FHOD3: variants seen among roughly 807,000 people sequenced by gnomAD.
FHOD3 encodes the protein FH1/FH2 domain-containing protein 3.
A neutral mutation model predicts 173.0 loss-of-function variants in FHOD3; 90 were observed. That is an observed-to-expected ratio of 0.52 (90% confidence interval 0.44 to 0.62). The LOEUF is 0.62. Ranked by LOEUF, FHOD3 falls within the 20% of genes least tolerant of loss-of-function variation. The probability of loss-of-function intolerance (pLI) is 0.00; values close to 1 mark genes in which losing one functional copy is unlikely to be tolerated. For missense variants in FHOD3, 1,945 were observed against 2,034.7 expected, an observed-to-expected ratio of 0.96 and a Z score of 0.85; for synonymous variants, 828 against 823.0, an observed-to-expected ratio of 1.01 and a Z score of -0.10.
intron 3 of FHOD3, among the ~76,000 whole-genome samples, chr18:36,406,084 TTTTTG>T (rs1568229246): frequency 2.4e-4 from 22 of 92,562 alleles, no homozygotes; most frequent in African/African-American, 8.7e-4. Context: ...CTGTTTTTTG[TTTTTG>T]TTTTTGTTTT....
chr18:36,395,513 G>A (rs756152793), intron 3 of FHOD3, among the ~76,000 whole-genome samples: 32 of 152,178 alleles, frequency 2.1e-4, no homozygotes, highest in Non-Finnish European at 4.4e-4. Flanking sequence ...AGTCTTTGAT[G>A]TAAAAAAATG....
At chr18:36,516,231 G>A (rs1228591235) in intron 5 of FHOD3, among the ~76,000 whole-genome samples, 1 of 152,088 alleles carries the variant, frequency 6.6e-6, no homozygotes, top group African/African-American at 2.4e-5. Flanking sequence ...GTCTTCGGTG[G>A]GGACTGGTGA....
chr18:36,442,249 G>A (rs1051391057), intron 3 of FHOD3, among the ~76,000 whole-genome samples: 1 of 152,164 alleles, frequency 6.6e-6, no homozygotes, highest in African/African-American at 2.4e-5. Context: ...CATTCTTTGA[G>A]CTGAAAATAG....
intron 3 of FHOD3, among the ~76,000 whole-genome samples, chr18:36,378,167 G>T (rs897590707): frequency 6.6e-6 from 1 of 152,126 alleles, no homozygotes; most frequent in Non-Finnish European, 1.5e-5. Context: ...TGTTGCAAAG[G>T]CTCCTGAGTG....
intron 1 of FHOD3, among the ~76,000 whole-genome samples, chr18:36,323,903 A>G (rs183892968): frequency 6.6e-6 from 1 of 152,380 alleles, no homozygotes; most frequent in Non-Finnish European, 1.5e-5. Flanking sequence ...ATAGTATGTA[A>G]GAAGACATTT....
At chr18:36,650,878 C>G (rs763022127) in intron 11 of FHOD3, among the ~76,000 whole-genome samples, 3 of 152,132 alleles carry the variant, frequency 2.0e-5, no homozygotes, top group Non-Finnish European at 4.4e-5. Context: ...TATCTTATGC[C>G]TGGAAGAGTC....
intron 10 of FHOD3, 99 bp from the exon 11 acceptor site, chr18:36,649,217 T>G: frequency 5.7e-6 from 4 of 701,160 alleles, no homozygotes; most frequent in Non-Finnish European, 7.0e-6. Context: ...GTTGTTGTTG[T>G]TGTTGTTGTT....
At chr18:36,638,488 T>A (rs1466626524) in intron 10 of FHOD3, among the ~76,000 whole-genome samples, 1 of 152,182 alleles carries the variant, frequency 6.6e-6, no homozygotes, top group Non-Finnish European at 1.5e-5. Context: ...TTTGAAAAGC[T>A]GCCTATCTGC....
chr18:36,421,365 C>A (rs1373369390), intron 3 of FHOD3, among the ~76,000 whole-genome samples: 3 of 152,140 alleles, frequency 2.0e-5, no homozygotes, highest in Admixed American at 2.0e-4. Flanking sequence ...TGGATAGCTT[C>A]TTTTGTAAGA....
rs752304451 is a variant in FHOD3 at position 36,769,388 on chromosome 18, C to T, written c.4748C>T (p.Pro1583Leu). 10 of 1,613,934 alleles carry T rather than the reference C, an allele frequency of 6.2e-6. No individual in the cohort carries two copies. The highest frequency in any genetic ancestry group is 1.6e-4 in the Middle Eastern group (1 of 6,084). Residue 1583 changes from proline (P) to leucine (L), a missense_variant, in exon 28 of 29, where the codon CCG becomes CTG. By Grantham distance (98) the Pro-to-Leu change is moderately conservative (BLOSUM62 -3). This residue lies in a region of FHOD3 where 354 missense variants were observed against 359.9 expected (regional missense o/e 0.98). Coordinates refer to ENST00000590592, the MANE Select transcript of FHOD3 (RefSeq NM_001281740.3). Reference protein sequence around the residue: ...ATQVPSQRVVPRERKRSRANR... With the variant: ...ATQVPSQRVVLRERKRSRANR... ...CAAGTGCCCAGTCAGCGAGTGGTGC[C>T]GAGGGAGAGGAAACGATCCCGGGCC...
chr18:36,609,607 CTTTTT>C (rs1181851197), intron 8 of FHOD3, among the ~76,000 whole-genome samples: 1 of 118,184 alleles, frequency 8.5e-6, no homozygotes, highest in Non-Finnish European at 1.8e-5. Flanking sequence ...CTTTTTAGTT[CTTTTT>C]TTTTTTTTTT....
intron 14 of FHOD3, among the ~76,000 whole-genome samples, chr18:36,676,599 GT>G (rs966732565): frequency 4.3e-4 from 65 of 151,334 alleles, no homozygotes; most frequent in African/African-American, 1.4e-3. Context: ...TGTATTAAGT[GT>G]TTTTTTTTCC....
At chr18:36,460,727 T>C (rs534001882) in intron 3 of FHOD3, among the ~76,000 whole-genome samples, 4 of 152,354 alleles carry the variant, frequency 2.6e-5, no homozygotes, top group African/African-American at 9.6e-5. Context: ...TTTATATTAA[T>C]GACCACATAG....
At chr18:36,455,552 G>A (rs1375544694) in intron 3 of FHOD3, among the ~76,000 whole-genome samples, 12 of 145,790 alleles carry the variant, frequency 8.2e-5, no homozygotes, top group Non-Finnish European at 1.5e-4. Context: ...GACAGATGTC[G>A]GCAATGTTCA....
intron 14 of FHOD3, among the ~76,000 whole-genome samples, chr18:36,676,277 A>G (rs945427359): frequency 8.5e-5 from 13 of 152,344 alleles, no homozygotes; most frequent in Admixed American, 3.3e-4. Context: ...CATAGAAATG[A>G]TAGAATATGG....
At chr18:36,381,513 G>C (rs755693475) in intron 3 of FHOD3, among the ~76,000 whole-genome samples, 1 of 152,182 alleles carries the variant, frequency 6.6e-6, no homozygotes, top group African/African-American at 2.4e-5. Context: ...GTAGCTGCCC[G>C]AGAGGAGGAT....
At chr18:36,306,108 G>A (rs1040761926) in intron 1 of FHOD3, among the ~76,000 whole-genome samples, 4 of 152,218 alleles carry the variant, frequency 2.6e-5, no homozygotes, top group Admixed American at 1.3e-4. Context: ...ACTTATTTCT[G>A]GGAGTCTTAG....
intron 3 of FHOD3, among the ~76,000 whole-genome samples, chr18:36,492,508 A>G (rs1287073273): frequency 6.6e-6 from 1 of 152,196 alleles, no homozygotes; most frequent in Non-Finnish European, 1.5e-5. Flanking sequence ...CAACTGATAA[A>G]CCAACGGCTG....
intron 2 of FHOD3, among the ~76,000 whole-genome samples, chr18:36,364,153 A>C (rs983547579): frequency 5.9e-5 from 9 of 152,168 alleles, no homozygotes; most frequent in Non-Finnish European, 1.3e-4. Context: ...ACAGGGAGGC[A>C]TGTATTGGTT....
Sources: gnomAD v4.1 joint callset for allele counts (sites outside exome capture counted in the v4.1 genomes callset) on GRCh38, gnomAD v4.1.1 for gene constraint, gnomAD v4.1.1 regional missense constraint, MANE v1.5 for transcripts, NCBI Gene and HGNC (gene_info 2026-07-23, HGNC 2026-07-21) for gene names.